The following KHDRBS2 variants were observed in gnomAD, a reference collection of about 807,000 sequenced individuals.
The protein encoded by KHDRBS2 is KH domain-containing, RNA-binding, signal transduction-associated protein 2.
Under a neutral mutation model 44.3 loss-of-function variants are expected in KHDRBS2, and 26 were observed. The observed-to-expected ratio is 0.59, with a 90% CI of 0.43 to 0.81. The LOEUF is 0.81. Among genes scored for constraint, KHDRBS2 ranks in the 40% least tolerant of loss-of-function variants. The probability of loss-of-function intolerance (pLI) is 0.00; values close to 1 mark genes in which losing one functional copy is unlikely to be tolerated. For synonymous variants in KHDRBS2, 194 were observed against 151.1 expected, an observed-to-expected ratio of 1.28 and a Z score of -2.08; for missense variants, 476 against 433.1, an observed-to-expected ratio of 1.10 and a Z score of -0.88.
At chr6:61,812,850 CA>C (rs1436296922) in intron 6 of KHDRBS2, among the ~76,000 whole-genome samples, 5 of 151,970 alleles carry the variant, frequency 3.3e-5, no homozygotes, top group Non-Finnish European at 7.4e-5. Flanking sequence ...CCTTTGGCCT[CA>C]GTACATTTTC....
At chr6:61,809,616 A>T (rs1787778685) in intron 6 of KHDRBS2, among the ~76,000 whole-genome samples, 1 of 152,294 alleles carries the variant, frequency 6.6e-6, no homozygotes, top group Admixed American at 6.5e-5. Context: ...TGTGGTTTGC[A>T]AAATCTTTTT....
chr6:62,200,176 C>CA (rs1471655696), intron 1 of KHDRBS2, among the ~76,000 whole-genome samples: 1 of 152,098 alleles, frequency 6.6e-6, no homozygotes, highest in African/African-American at 2.4e-5. Context: ...TAGGCATGGG[C>CA]AAGGACTTCA....
the KHDRBS2 span, among the ~76,000 whole-genome samples, chr6:61,556,097 G>T: frequency 6.6e-6 from 1 of 152,218 alleles, no homozygotes; most frequent in East Asian, 1.9e-4. Context: ...ATTGGCAGTG[G>T]CAGCAACCAA....
the KHDRBS2 span, among the ~76,000 whole-genome samples, chr6:61,579,440 T>C: frequency 0.85 from 129,771 of 152,112 alleles, 55,811 homozygotes; most frequent in African/African-American, 0.94. Flanking sequence ...CTCACACTTC[T>C]CATTTTGTTT....
intron 6 of KHDRBS2, among the ~76,000 whole-genome samples, chr6:61,857,682 T>C (rs1262629134): frequency 1.4e-4 from 22 of 152,004 alleles, no homozygotes; most frequent in Non-Finnish European, 2.9e-5. Context: ...ACACAGAGCT[T>C]CCCCTTGTAG....
At chr6:62,279,456 A>C (rs1841487348) in intron 1 of KHDRBS2, among the ~76,000 whole-genome samples, 1 of 152,190 alleles carries the variant, frequency 6.6e-6, no homozygotes, top group Non-Finnish European at 1.5e-5. Flanking sequence ...GTTAAGAAAC[A>C]TTTATTGAGG....
chr6:62,247,641 A>T (rs1237210830), intron 1 of KHDRBS2, among the ~76,000 whole-genome samples: 1 of 152,006 alleles, frequency 6.6e-6, no homozygotes, highest in East Asian at 1.9e-4. Flanking sequence ...TAGGTTCTCT[A>T]AGCATCACAT....
intron 1 of KHDRBS2, among the ~76,000 whole-genome samples, chr6:62,222,436 A>C (rs1831060119): frequency 6.6e-6 from 1 of 152,144 alleles, no homozygotes; most frequent in Admixed American, 6.6e-5. Flanking sequence ...AGAGAAAATG[A>C]GAGATGCAAA....
chr6:62,184,273 C>T (rs889392192), intron 1 of KHDRBS2, among the ~76,000 whole-genome samples: 25 of 151,540 alleles, frequency 1.6e-4, no homozygotes, highest in African/African-American at 6.0e-4. Context: ...ACATGAATCA[C>T]AGAATACAAG....
At chr6:61,705,628 G>A (rs1440088384) in intron 7 of KHDRBS2, among the ~76,000 whole-genome samples, 1 of 151,712 alleles carries the variant, frequency 6.6e-6, no homozygotes, top group South Asian at 2.1e-4. Flanking sequence ...CTTAAAAAAT[G>A]GGTAACTATT....
chr6:62,113,721 G>C (rs1173961297), intron 2 of KHDRBS2, among the ~76,000 whole-genome samples: 2 of 152,032 alleles, frequency 1.3e-5, no homozygotes, highest in Non-Finnish European at 2.9e-5. Context: ...AAAATTAACT[G>C]ACAAATCAGC....
intron 2 of KHDRBS2, among the ~76,000 whole-genome samples, chr6:62,108,576 A>C (rs529074300): frequency 1.3e-5 from 2 of 152,214 alleles, no homozygotes; most frequent in Non-Finnish European, 2.9e-5. Flanking sequence ...ATACCATTTG[A>C]CCCAGCCATC....
At chr6:61,699,538 A>T (rs1319887404) in intron 7 of KHDRBS2, among the ~76,000 whole-genome samples, 1 of 151,972 alleles carries the variant, frequency 6.6e-6, no homozygotes, top group Non-Finnish European at 1.5e-5. Context: ...AGGGTAGGGG[A>T]TAGATGCCAA....
At chr6:61,852,676 G>T (rs1795622895) in intron 6 of KHDRBS2, among the ~76,000 whole-genome samples, 1 of 151,998 alleles carries the variant, frequency 6.6e-6, no homozygotes, top group Non-Finnish European at 1.5e-5. Context: ...AGCCTTTATG[G>T]AAAGGATTTA....
rs1280698916 is a variant in KHDRBS2, at chr6:61,869,976, T to TGTTTGTTTG, written c.810+24658_810+24659insCAAACAAAC. On this transcript the variant is annotated intron_variant, in intron 6 of 8. Coordinates refer to ENST00000281156, the MANE Select transcript of KHDRBS2 (RefSeq NM_152688.4). ...TAGCTGCAGGAGTGTTTTTTTTTTT[T>TGTTTGTTTG]TTTTTTTTTTTCCCCATACTACAGT... is the stretch of plus-strand genomic sequence containing the variant. Among the ~76,000 whole-genome samples the TGTTTGTTTG allele has an allele frequency of 2.3e-3, 222 of 98,382 alleles. 1 individual carries two copies. The Middle Eastern group carries it at 0.024, about 10-fold the overall frequency. 64.5% of individuals were successfully genotyped at this position (98,382 alleles called of 152,430 possible).
chr6:61,597,738 A>AGTTT, the KHDRBS2 span, among the ~76,000 whole-genome samples: 1 of 39,382 alleles, frequency 2.5e-5, no homozygotes, highest in Non-Finnish European at 4.7e-5. Flanking sequence ...CCTTTTATAT[A>AGTTT]TATATATATA....
intron 3 of KHDRBS2, among the ~76,000 whole-genome samples, chr6:62,003,832 C>T (rs1438996803): frequency 2.6e-5 from 4 of 152,116 alleles, no homozygotes; most frequent in Non-Finnish European, 4.4e-5. Context: ...GACCACAGTG[C>T]AATCAAATTA....
chr6:61,993,586 T>C (rs1776549652), intron 3 of KHDRBS2, among the ~76,000 whole-genome samples: 1 of 146,784 alleles, frequency 6.8e-6, no homozygotes, highest in South Asian at 2.1e-4. Flanking sequence ...TTAACATATC[T>C]GGAGAAATAA....
chr6:62,185,039 A>T (rs1485955806), intron 1 of KHDRBS2, among the ~76,000 whole-genome samples: 3 of 151,938 alleles, frequency 2.0e-5, no homozygotes, highest in South Asian at 2.1e-4. Flanking sequence ...TAAGCAAGTT[A>T]GTTAGCCTCT....
Sources: allele counts gnomAD v4.1 joint callset (sites outside exome capture counted in the v4.1 genomes callset), GRCh38; gene constraint gnomAD v4.1.1; transcripts MANE v1.5; gene names NCBI Gene and HGNC (gene_info 2026-07-23, HGNC 2026-07-21).